The following RBFOX1 variants were observed in gnomAD, a reference collection of about 807,000 sequenced individuals.
RBFOX1 encodes RNA binding fox-1 homolog 1.
A neutral mutation model predicts 57.7 loss-of-function variants in RBFOX1; 8 were observed. The ratio of observed to expected loss-of-function variants is 0.14; its 90% CI spans 0.08 to 0.25. The LOEUF (loss-of-function observed/expected upper bound fraction) is 0.25, where lower values mean the gene tolerates loss of function less well. Ranked by LOEUF, RBFOX1 falls within the 10% of genes least tolerant of loss-of-function variation. RBFOX1 has a pLI of 1.00. For synonymous variants in RBFOX1, 326 were observed against 222.4 expected, an observed-to-expected ratio of 1.47 and a Z score of -4.15; for missense variants, 611 against 548.5, an observed-to-expected ratio of 1.11 and a Z score of -1.14.
At chr16:6,702,291 T>C (rs2061974646) in intron 3 of RBFOX1, among the ~76,000 whole-genome samples, 1 of 152,166 alleles carries the variant, frequency 6.6e-6, no homozygotes. Flanking sequence ...TGGTGGCTCA[T>C]GCCTGTAAAC....
chr16:5,528,301 C>T (rs964837378), intron 2 of RBFOX1, among the ~76,000 whole-genome samples: 2 of 151,926 alleles, frequency 1.3e-5, no homozygotes, highest in Non-Finnish European at 2.9e-5. Flanking sequence ...GATTTCTGGC[C>T]CCCACCCTAG....
rs560108458 is a variant in RBFOX1 at position 6,127,388 on chromosome 16, T to G, written c.-127+107396T>G. On this transcript the variant is annotated intron_variant, in intron 1 of 15. Coordinates refer to ENST00000550418, the MANE Select transcript of RBFOX1 (RefSeq NM_018723.4). ...TTTTTTTTTAAAAATTGCTCTCTGTTCATGTGGACCTTTTAATTCAAGAAA... is the reference window on the plus strand; with the variant it reads ...TTTTTTTTTAAAAATTGCTCTCTGTGCATGTGGACCTTTTAATTCAAGAAA... Among the ~76,000 whole-genome samples the G allele has an allele frequency of 1.7e-4, 26 of 152,292 alleles. No homozygotes were observed. The East Asian group carries it at 5.0e-3, about 29-fold the overall frequency.
intron 3 of RBFOX1, among the ~76,000 whole-genome samples, chr16:6,970,189 A>G (rs568379453): frequency 6.6e-6 from 1 of 151,740 alleles, no homozygotes. Context: ...AAAAAAATAA[A>G]AAAGAAAGAA....
intron 3 of RBFOX1, among the ~76,000 whole-genome samples, chr16:6,948,866 C>A (rs567294448): frequency 6.6e-6 from 1 of 152,176 alleles, no homozygotes; most frequent in South Asian, 2.1e-4. Flanking sequence ...GTCTATAAAC[C>A]GATTACAGTG....
intron 3 of RBFOX1, among the ~76,000 whole-genome samples, chr16:6,764,470 C>T (rs998594820): frequency 2.6e-5 from 4 of 152,204 alleles, no homozygotes; most frequent in Admixed American, 2.6e-4. Context: ...CTTCTCTCCA[C>T]CTGTCTCTGT....
intron 2 of RBFOX1, among the ~76,000 whole-genome samples, chr16:6,351,380 T>TC (rs2086359378): frequency 7.2e-6 from 1 of 138,778 alleles, no homozygotes; most frequent in African/African-American, 2.7e-5. Flanking sequence ...ATATTTTTTT[T>TC]TTTTTTTCTT....
At chr16:7,633,384 C>T (rs11864048) in intron 11 of RBFOX1, among the ~76,000 whole-genome samples, 2,919 of 152,212 alleles carry the variant, frequency 0.019, 92 homozygotes, top group African/African-American at 0.068. Flanking sequence ...TTGTATCAGT[C>T]GTATTACCTG....
chr16:7,499,729 A>T (rs2070020324), intron 4 of RBFOX1, among the ~76,000 whole-genome samples: 1 of 152,114 alleles, frequency 6.6e-6, no homozygotes, highest in South Asian at 2.1e-4. Flanking sequence ...ACATATATTA[A>T]GGCTTTCATT....
rs13335582 is a variant in RBFOX1, at chr16:6,511,541, C to T, written c.-63-143062C>T. ...ACAAGGAGCCCATGGAAACTACCAACTGGCATTGCTGAGAATAATTATTGT... is the reference window on the plus strand; with the variant it reads ...ACAAGGAGCCCATGGAAACTACCAATTGGCATTGCTGAGAATAATTATTGT... On this transcript the variant is annotated intron_variant, in intron 2 of 15. Coordinates refer to ENST00000550418, the MANE Select transcript of RBFOX1 (RefSeq NM_018723.4). Among the ~76,000 whole-genome samples, 6 of 152,330 alleles carry T rather than the reference C, an allele frequency of 3.9e-5. No homozygotes were observed. In the East Asian group the frequency reaches 1.2e-3, roughly 29 times the overall value.
At chr16:6,310,494 G>A (rs954995442) in intron 1 of RBFOX1, among the ~76,000 whole-genome samples, 1 of 152,202 alleles carries the variant, frequency 6.6e-6, no homozygotes, top group African/African-American at 2.4e-5. Context: ...TAGTAGTAGT[G>A]CCAGGTAATT....
chr16:6,445,561 CTTTTTTTTTTTTT>C (rs374322471), intron 2 of RBFOX1, among the ~76,000 whole-genome samples: 11 of 114,872 alleles, frequency 9.6e-5, no homozygotes, highest in African/African-American at 2.3e-4. Flanking sequence ...CTCTGAACTC[CTTTTTTTTTTTTT>C]TTTTTTTTTG....
chr16:5,975,971 C>G (rs1200490713), intron 4 of RBFOX1, among the ~76,000 whole-genome samples: 2 of 151,888 alleles, frequency 1.3e-5, no homozygotes, highest in East Asian at 1.9e-4. Flanking sequence ...CGGTGAAACC[C>G]CATCTCTGCT....
chr16:5,670,304 C>T (rs890927073), intron 3 of RBFOX1, among the ~76,000 whole-genome samples: 1 of 152,110 alleles, frequency 6.6e-6, no homozygotes, highest in African/African-American at 2.4e-5. Context: ...TCTCATAATA[C>T]ATTTAATCTT....
intron 14 of RBFOX1, among the ~76,000 whole-genome samples, chr16:7,693,065 C>T (rs751745595): frequency 6.6e-6 from 1 of 152,112 alleles, no homozygotes; most frequent in Admixed American, 6.6e-5. Context: ...GTTTTGGTAA[C>T]ACATAGTATT....
At chr16:7,390,503 A>G (rs1597241963) in intron 4 of RBFOX1, among the ~76,000 whole-genome samples, 2 of 152,342 alleles carry the variant, frequency 1.3e-5, no homozygotes, top group Non-Finnish European at 1.5e-5. Context: ...GTTCAAAAGA[A>G]TACCTTCTTC....
chr16:7,443,026 C>G (rs1360745432), intron 4 of RBFOX1, among the ~76,000 whole-genome samples: 3 of 152,172 alleles, frequency 2.0e-5, no homozygotes, highest in African/African-American at 4.8e-5. Context: ...TAATTAACAT[C>G]CTTTTTACTT....
At chr16:7,578,136 A>G (rs2093477046) in intron 5 of RBFOX1, among the ~76,000 whole-genome samples, 1 of 152,232 alleles carries the variant, frequency 6.6e-6, no homozygotes, top group South Asian at 2.1e-4. Flanking sequence ...ACTTGCCATC[A>G]TTCTAAACAT....
intron 12 of RBFOX1, among the ~76,000 whole-genome samples, chr16:7,663,150 C>T (rs191455572): frequency 2.0e-5 from 3 of 152,334 alleles, no homozygotes; most frequent in East Asian, 1.9e-4. Flanking sequence ...TCTCTTTCAT[C>T]AGACCTTGGC....
intron 1 of RBFOX1, among the ~76,000 whole-genome samples, chr16:6,253,909 C>A (rs2097643984): frequency 6.6e-6 from 1 of 151,972 alleles, no homozygotes; most frequent in Non-Finnish European, 1.5e-5. Context: ...GAATAAAACC[C>A]CAAAGAGTAG....
Sources: gnomAD v4.1 joint callset for allele counts (sites outside exome capture counted in the v4.1 genomes callset) on GRCh38, gnomAD v4.1.1 for gene constraint, MANE v1.5 for transcripts, NCBI Gene and HGNC (gene_info 2026-07-23, HGNC 2026-07-21) for gene names.